SCN11A: variants seen among roughly 807,000 people sequenced by gnomAD.
The protein encoded by SCN11A is sodium voltage-gated channel alpha subunit 11.
SCN11A carries 122 observed loss-of-function variants against 162.2 expected under a neutral mutation model. The ratio of observed to expected loss-of-function variants is 0.75; its 90% CI spans 0.65 to 0.87. The LOEUF (loss-of-function observed/expected upper bound fraction) is 0.87. Ranked by LOEUF, SCN11A falls within the 40% of genes least tolerant of loss-of-function variation. The pLI is 0.00. For missense variants in SCN11A, 2,015 were observed against 2,181.6 expected, an observed-to-expected ratio of 0.92 and a Z score of 1.52; for synonymous variants, 758 against 751.5, an observed-to-expected ratio of 1.01 and a Z score of -0.14.
Position 38,846,886 on chromosome 3 carries a change from G to T in SCN11A, c.5184C>A (p.Thr1728=). Residue 1728 remains threonine, a synonymous_variant, in exon 30 of 30, where the codon ACC becomes ACA. Coordinates refer to ENST00000302328, the MANE Select transcript of SCN11A (RefSeq NM_001349253.2). ...KKLYEPIVTT[T]KRKEEERGAA... is the part of the protein sequence containing the mutation. ...CACCTCTTTCCTCTTCCTTTCTCTT[G>T]GTGGTGGTGACTATGGGTTCATACA... The T allele has an allele frequency of 1.2e-6, 2 of 1,614,050 alleles. No homozygotes were observed. The highest frequency in any genetic ancestry group is 1.7e-6 in the Non-Finnish European group (2 of 1,180,012).
chr3:38,918,185 G>A (rs377402075), intron 11 of SCN11A, among the ~76,000 whole-genome samples: 10 of 152,138 alleles, frequency 6.6e-5, no homozygotes, highest in African/African-American at 1.9e-4. Flanking sequence ...TACACCCCAC[G>A]TTGGATTCTG....
chr3:39,025,257 T>C (rs1198827416), intron 2 of SCN11A, among the ~76,000 whole-genome samples: 2 of 152,064 alleles, frequency 1.3e-5, no homozygotes, highest in Non-Finnish European at 2.9e-5. Context: ...CCAGTCTCCT[T>C]TAGTTCAAAG....
intron 2 of SCN11A, among the ~76,000 whole-genome samples, chr3:39,023,234 C>T (rs1482958711): frequency 6.6e-6 from 1 of 152,062 alleles, no homozygotes; most frequent in Non-Finnish European, 1.5e-5. Flanking sequence ...GGTGGTGGAC[C>T]ATGTGGGCTC....
rs2066501993 is a variant in SCN11A, at chr3:38,945,451, GC to G, written c.447del (p.Pro150LeufsTer26). The G allele has an allele frequency of 6.2e-7, 1 of 1,605,254 alleles. No individual in the cohort carries two copies. Among genetic ancestry groups the G allele is most frequent in the Non-Finnish European group, 8.5e-7 (1 of 1,173,642 alleles). On this transcript the variant is annotated frameshift_variant, in exon 7 of 30. Transcript: ENST00000302328. LOFTEE classifies it high-confidence loss of function. ...TTGTTACTGTTGCTGTTTTTAGCAG[GC>G]CCTGTAGCCATGAACACGCAGTTGA... ...VIINCVFMAT[G>X]PAKNSNSNNT... is the part of the protein sequence containing the mutation.
chr3:38,988,634 A>C (rs190070634), intron 2 of SCN11A, among the ~76,000 whole-genome samples: 3 of 152,336 alleles, frequency 2.0e-5, no homozygotes. Context: ...TCAGCTTGGG[A>C]ATATTCCCTC....
rs1438741192 is a variant in SCN11A, at chr3:38,944,591, G to A, written c.488+820C>T. On this transcript the variant is annotated intron_variant, in intron 7 of 29. Coordinates refer to ENST00000302328, the MANE Select transcript of SCN11A (RefSeq NM_001349253.2). ...TCCACCCGCCTTGGCCTCCCAAAGT[G>A]CTGGCATTACAGGCATGAGCCACCA... Among the ~76,000 whole-genome samples the A allele has an allele frequency of 4.0e-5, 6 of 151,804 alleles. No homozygotes were observed. In the East Asian group the frequency reaches 1.2e-3, roughly 30 times the overall value.
rs1234927663 is a variant in SCN11A, at chr3:38,896,935, T to TCCA, written c.2312_2313insTGG (p.Glu771delinsAspGly). Reference sequence around the variant, plus strand: ...CTTCTTGCATACATTCCCACATATTTTCGATCCATTCCCCGCAGAGGATGC... The same window carrying TCCA: ...CTTCTTGCATACATTCCCACATATTTCCATCGATCCATTCCCCGCAGAGGATGC... On this transcript the variant is annotated protein_altering_variant, in exon 18 of 30. Transcript: ENST00000302328. 1.2e-6 allele frequency: 2 copies of TCCA among 1,613,912 alleles called. No homozygotes were observed. The highest frequency in any genetic ancestry group is 1.7e-6 in the Non-Finnish European group (2 of 1,180,006).
chr3:38,861,162 A>G (rs779880099), intron 28 of SCN11A, among the ~76,000 whole-genome samples: 10 of 152,142 alleles, frequency 6.6e-5, no homozygotes, highest in Non-Finnish European at 1.2e-4. Flanking sequence ...AAAAAATAAA[A>G]TACTTAGAAA....
chr3:38,945,583 G>T, intron 6 of SCN11A, 71 bp from the exon 7 acceptor site: 2 of 1,075,760 alleles, frequency 1.9e-6, no homozygotes, highest in Non-Finnish European at 2.6e-6. Context: ...TAAGACTGGG[G>T]GTGCCCCTGA....
chr3:38,917,775 C>G (rs1189740105), intron 11 of SCN11A, among the ~76,000 whole-genome samples: 1 of 152,042 alleles, frequency 6.6e-6, no homozygotes, highest in Non-Finnish European at 1.5e-5. Context: ...TATAACAAAC[C>G]TGCATATGTA....
chr3:38,847,073 TG>T lies in SCN11A; in HGVS notation c.4996del (p.Gln1666AsnfsTer3). The stretch of plus-strand genomic sequence containing the variant: ...CATGGGCAAGTCCATTACTAGAAAT[TG>T]ATATTTATTTGGCTTTGCGACACGC... The part of the protein sequence containing the change: ...PLRVAKPNKY[Q>X]FLVMDLPMVS... On this transcript the variant is annotated frameshift_variant, in exon 30 of 30. Transcript: ENST00000302328. LOFTEE classifies it low-confidence loss of function (END_TRUNC). The T allele has an allele frequency of 6.2e-7, 1 of 1,614,018 alleles. No homozygotes were observed. Among genetic ancestry groups the T allele is most frequent in the Non-Finnish European group, 8.5e-7 (1 of 1,180,012 alleles).
At chr3:38,918,779 T>C (rs922796610) in intron 11 of SCN11A, among the ~76,000 whole-genome samples, 2 of 152,198 alleles carry the variant, frequency 1.3e-5, no homozygotes, top group African/African-American at 4.8e-5. Context: ...CCTTCCCTAA[T>C]TCTCCAGACA....
chr3:39,038,811 G>GA (rs386396397), intron 1 of SCN11A, among the ~76,000 whole-genome samples: 1 of 151,976 alleles, frequency 6.6e-6, no homozygotes, highest in Non-Finnish European at 1.5e-5. Flanking sequence ...AAAGGCTAAA[G>GA]AAAAGTGAAA....
chr3:38,935,684 T>G (rs1014716270), intron 7 of SCN11A, among the ~76,000 whole-genome samples: 1 of 152,152 alleles, frequency 6.6e-6, no homozygotes, highest in Non-Finnish European at 1.5e-5. Flanking sequence ...CAGGAAGAAG[T>G]TGACTCTCTG....
At position 38,885,414 on chromosome 3, in the gene SCN11A, A is replaced by G; in HGVS notation, c.2950-12T>C. The stretch of plus-strand genomic sequence containing the variant: ...GTAACATCAGACTTCTGCACATCAG[A>G]ACAAAACGAAGGGGGTGCCTTTTAC... On this transcript the variant is annotated splice_polypyrimidine_tract_variant and intron_variant, in intron 20 of 29. Transcript: ENST00000302328. The G allele has an allele frequency of 6.8e-7, 1 of 1,471,190 alleles. No individual in the cohort carries two copies. The highest frequency in any genetic ancestry group is 9.5e-7 in the Non-Finnish European group (1 of 1,050,220). 91.1% of individuals were successfully genotyped at this position (1,471,190 alleles called of 1,614,324 possible).
chr3:38,909,959 T>C (rs2065862229), intron 12 of SCN11A, 107 bp downstream of exon 12: 3 of 1,031,868 alleles, frequency 2.9e-6, no homozygotes, highest in African/African-American at 3.3e-5. Context: ...AAGTGGGGGA[T>C]GAATGGTAGT....
chr3:39,013,024 A>G (rs2031189561), intron 2 of SCN11A, among the ~76,000 whole-genome samples: 1 of 152,200 alleles, frequency 6.6e-6, no homozygotes, highest in Non-Finnish European at 1.5e-5. Context: ...ACCTCCAGCT[A>G]GAGTTTATAA....
At chr3:38,860,585 C>CAT (rs1559491521) in intron 28 of SCN11A, among the ~76,000 whole-genome samples, 1 of 152,138 alleles carries the variant, frequency 6.6e-6, no homozygotes, top group Non-Finnish European at 1.5e-5. Context: ...GATGGTTTAA[C>CAT]ATACGCAAGT....
chr3:38,864,940 C>T (rs917062982), intron 27 of SCN11A, among the ~76,000 whole-genome samples: 1 of 151,978 alleles, frequency 6.6e-6, no homozygotes, highest in African/African-American at 2.4e-5. Flanking sequence ...AGGCTCAGAC[C>T]AATTTGAAAA....
Sources: allele counts gnomAD v4.1 joint callset (sites outside exome capture counted in the v4.1 genomes callset), GRCh38; gene constraint gnomAD v4.1.1; transcripts MANE v1.5; gene names NCBI Gene and HGNC (gene_info 2026-07-23, HGNC 2026-07-21).